CBLB: variants seen among roughly 807,000 people sequenced by gnomAD.
CBLB encodes the protein E3 ubiquitin-protein ligase CBL-B.
A neutral mutation model predicts 104.9 loss-of-function variants in CBLB; 31 were observed. That is an observed-to-expected ratio of 0.30 (90% CI 0.22 to 0.40). The LOEUF (loss-of-function observed/expected upper bound fraction) is 0.40. Among genes scored for constraint, CBLB ranks in the 10% least tolerant of loss-of-function variants. CBLB has a pLI of 1.00. For missense variants in CBLB, 1,062 were observed against 1,214.6 expected (o/e 0.87, Z 1.87); for synonymous variants, 440 against 422.6 (o/e 1.04, Z -0.51).
At chr3:105,782,384 G>C (rs2080363059) in intron 3 of CBLB, among the ~76,000 whole-genome samples, 1 of 152,148 alleles carries the variant, frequency 6.6e-6, no homozygotes, top group South Asian at 2.1e-4. Context: ...ATACTAAACT[G>C]ATCACTTTAA....
At chr3:105,719,985 C>A in intron 10 of CBLB, 62 bp downstream of exon 10, 1 of 1,210,580 alleles carries the variant, frequency 8.3e-7, no homozygotes, top group Non-Finnish European at 1.2e-6. Context: ...CCATTTATGA[C>A]GGCATCATTT....
chr3:105,733,356 C>CAAA (rs1171217619), intron 9 of CBLB, among the ~76,000 whole-genome samples: 4 of 71,016 alleles, frequency 5.6e-5, no homozygotes, highest in Admixed American at 5.2e-4. Flanking sequence ...GACTCTGTCT[C>CAAA]AAAAAAAAAA....
rs532869513 is a variant in CBLB at position 105,767,975 on chromosome 3, A to C, written c.566+8421T>G. On this transcript the variant is annotated intron_variant, in intron 4 of 18. Coordinates refer to ENST00000394030, the MANE Select transcript of CBLB (RefSeq NM_170662.5). The stretch of plus-strand genomic sequence containing the variant: ...CCAATCAATCAAGCAAGCAGGCTCC[A>C]TCTCACACATACACATGCTAATGCA... Among the ~76,000 whole-genome samples the C allele has an allele frequency of 1.7e-3, 254 of 151,964 alleles. 1 individual carries two copies. Among genetic ancestry groups the C allele is most frequent in the African/African-American group, 4.5e-3 (186 of 41,432 alleles).
Position 105,779,182 on chromosome 3 carries a change from C to T in CBLB, c.420-2640G>A, listed in dbSNP as rs182687638. Among the ~76,000 whole-genome samples the T allele has an allele frequency of 2.0e-3, 303 of 152,256 alleles. 2 individuals are homozygous for T. The highest frequency in any genetic ancestry group is 7.1e-3 in the African/African-American group (294 of 41,558). ...TTTTTTTAATTTTTACTTGTTAGAT[C>T]TAAAGTCTGAAACACAACGCCAGTG... is the stretch of plus-strand genomic sequence containing the variant. On this transcript the variant is annotated intron_variant, in intron 3 of 18. Coordinates refer to ENST00000394030, the MANE Select transcript of CBLB (RefSeq NM_170662.5).
At chr3:105,679,973 C>T (rs927084053) in intron 16 of CBLB, among the ~76,000 whole-genome samples, 1 of 151,884 alleles carries the variant, frequency 6.6e-6, no homozygotes, top group African/African-American at 2.4e-5. Flanking sequence ...TGACACTGGG[C>T]CAGGCTCATG....
intron 12 of CBLB, among the ~76,000 whole-genome samples, chr3:105,696,736 T>G (rs1559857341): frequency 6.6e-6 from 1 of 151,922 alleles, no homozygotes; most frequent in Non-Finnish European, 1.5e-5. Flanking sequence ...ACTTTAAATA[T>G]TCTTTCCTGC....
chr3:105,718,344 G>A (rs1171536413), intron 10 of CBLB, among the ~76,000 whole-genome samples: 2 of 152,136 alleles, frequency 1.3e-5, no homozygotes, highest in African/African-American at 2.4e-5. Flanking sequence ...CAAAATTTGA[G>A]AGTAGCCATG....
chr3:105,804,262 T>C (rs900550228), intron 3 of CBLB, among the ~76,000 whole-genome samples: 3 of 151,478 alleles, frequency 2.0e-5, no homozygotes, highest in Non-Finnish European at 4.4e-5. Flanking sequence ...GGCTCATGCC[T>C]GTGGTCCCAG....
At chr3:105,829,681 A>C in intron 3 of CBLB, among the ~76,000 whole-genome samples, 1 of 85,972 alleles carries the variant, frequency 1.2e-5, no homozygotes. Flanking sequence ...AAAAAAAAAA[A>C]AAAAAAAAAA....
intron 3 of CBLB, among the ~76,000 whole-genome samples, chr3:105,813,601 T>C (rs542213712): frequency 6.6e-6 from 1 of 152,220 alleles, no homozygotes; most frequent in Admixed American, 6.5e-5. Flanking sequence ...AAATTAAAAT[T>C]AAAAGTCTTT....
At chr3:105,737,856 T>C (rs1271129366) in intron 7 of CBLB, among the ~76,000 whole-genome samples, 1 of 152,020 alleles carries the variant, frequency 6.6e-6, no homozygotes, top group African/African-American at 2.4e-5. Context: ...AATTAGAAAA[T>C]GTTACGTTTC....
In CBLB at chr3:105,658,017, T is replaced by A. The variant is rs2063459832; in HGVS notation, c.*953A>T. Reference sequence around the variant, plus strand: ...TGTTCATAATTTTATCTGAAAATTATTAATATATTTCAGGGAGATGGTCCT... The same window carrying A: ...TGTTCATAATTTTATCTGAAAATTAATAATATATTTCAGGGAGATGGTCCT... On this transcript the variant is annotated 3_prime_UTR_variant, in exon 19 of 19. Coordinates refer to ENST00000394030, the MANE Select transcript of CBLB (RefSeq NM_170662.5). The A allele has an allele frequency of 4.7e-6, 1 of 212,676 alleles. No individual in the cohort carries two copies. The highest frequency in any genetic ancestry group is 2.3e-5 in the African/African-American group (1 of 44,212). The allele number at this position is 212,676 out of a possible 1,614,324, so 13.2% of individuals were successfully genotyped here. A position where few individuals can be genotyped will look rare whatever the true frequency, so the allele number is the denominator to read the frequency against.
intron 17 of CBLB, chr3:105,672,891 C>T (rs949895428): frequency 5.9e-5 from 9 of 152,014 alleles, no homozygotes; most frequent in African/African-American, 2.2e-4. Flanking sequence ...CAACTATATA[C>T]ATTGCTCATG....
chr3:105,795,163 C>T (rs766708368), intron 3 of CBLB, among the ~76,000 whole-genome samples: 24 of 152,128 alleles, frequency 1.6e-4, no homozygotes, highest in Admixed American at 4.6e-4. Flanking sequence ...CTGCCCAACT[C>T]GGCCTCCGAA....
At chr3:105,665,015 T>G (rs1284643340) in intron 18 of CBLB, among the ~76,000 whole-genome samples, 1 of 152,164 alleles carries the variant, frequency 6.6e-6, no homozygotes. Flanking sequence ...CTGAAACTGA[T>G]GTAAATTCTA....
chr3:105,720,734 G>C (rs1265094345), intron 9 of CBLB, among the ~76,000 whole-genome samples: 1 of 152,156 alleles, frequency 6.6e-6, no homozygotes, highest in African/African-American at 2.4e-5. Context: ...TGTTTTAACT[G>C]CCTGTGTATT....
At chr3:105,745,780 C>T (rs2076045835) in intron 6 of CBLB, 137 bp downstream of exon 6, 3 of 733,414 alleles carry the variant, frequency 4.1e-6, no homozygotes, top group Non-Finnish European at 7.3e-6. Flanking sequence ...TTAAGAAGCA[C>T]CATTTTGGTC....
At chr3:105,804,001 G>A (rs900489542) in intron 3 of CBLB, among the ~76,000 whole-genome samples, 4 of 152,138 alleles carry the variant, frequency 2.6e-5, no homozygotes, top group African/African-American at 9.7e-5. Context: ...ACAACTTTAT[G>A]AAGTTAGTTC....
intron 10 of CBLB, among the ~76,000 whole-genome samples, chr3:105,714,619 T>C (rs1242340014): frequency 6.6e-6 from 1 of 152,162 alleles, no homozygotes; most frequent in African/African-American, 2.4e-5. Flanking sequence ...CAGGCGGTAA[T>C]GCGAGCTGTG....
Sources: allele counts gnomAD v4.1 joint callset (sites outside exome capture counted in the v4.1 genomes callset), GRCh38; gene constraint gnomAD v4.1.1; transcripts MANE v1.5; gene names NCBI Gene and HGNC (gene_info 2026-07-23, HGNC 2026-07-21).